The following DENND1B variants were observed in gnomAD, a reference collection of about 807,000 sequenced individuals.
DENND1B encodes DENN domain containing 1B.
A neutral mutation model predicts 90.1 loss-of-function variants in DENND1B; 59 were observed. The observed-to-expected ratio is 0.65, with a 90% CI of 0.53 to 0.81. The LOEUF (loss-of-function observed/expected upper bound fraction) is 0.81, where lower values mean the gene tolerates loss of function less well. DENND1B is among the 40% of genes least tolerant of loss of function. The pLI is 0.00. For synonymous variants in DENND1B, 337 were observed against 324.6 expected, an observed-to-expected ratio of 1.04 and a Z score of -0.41; for missense variants, 862 against 912.6, an observed-to-expected ratio of 0.94 and a Z score of 0.71.
intron 3 of DENND1B, among the ~76,000 whole-genome samples, chr1:197,697,095 A>G (rs1301824571): frequency 1.3e-5 from 2 of 151,048 alleles, no homozygotes; most frequent in African/African-American, 2.4e-5. Flanking sequence ...AAAAAAAAAA[A>G]AAAAAGGAAA....
intron 14 of DENND1B, among the ~76,000 whole-genome samples, chr1:197,583,490 A>G (rs1042697690): frequency 3.3e-5 from 5 of 152,266 alleles, no homozygotes; most frequent in Admixed American, 3.3e-4. Context: ...TACTCCCTCA[A>G]GTAAAAGTAA....
At chr1:197,734,439 G>A (rs1662444326) in intron 2 of DENND1B, 1 of 984,638 alleles carries the variant, frequency 1.0e-6, no homozygotes, top group Non-Finnish European at 1.2e-6. Context: ...TAAACCAATA[G>A]CAACAACAAA....
intron 2 of DENND1B, 23 bp downstream of exon 2, chr1:197,772,845 A>G (rs562339220): frequency 3.6e-4 from 552 of 1,539,176 alleles, no homozygotes; most frequent in Non-Finnish European, 4.6e-4. Flanking sequence ...CTTGTCAAAT[A>G]ACAGAACACA....
At chr1:197,562,468 AGG>A (rs1320328940) in intron 15 of DENND1B, among the ~76,000 whole-genome samples, 20 of 152,022 alleles carry the variant, frequency 1.3e-4, no homozygotes, top group Middle Eastern at 3.4e-3. Context: ...TTAGAATTAC[AGG>A]ATTATATTAT....
At chr1:197,723,584 C>T (rs770858992) in intron 2 of DENND1B, among the ~76,000 whole-genome samples, 10 of 152,060 alleles carry the variant, frequency 6.6e-5, no homozygotes, top group Non-Finnish European at 1.3e-4. Flanking sequence ...CCAACACAAA[C>T]GTTTTTATAA....
At chr1:197,631,010 T>C (rs1185528006) in intron 10 of DENND1B, among the ~76,000 whole-genome samples, 5 of 152,118 alleles carry the variant, frequency 3.3e-5, no homozygotes, top group Admixed American at 6.6e-5. Context: ...TCTCCTCACC[T>C]ACATGACATT....
chr1:197,579,490 CTG>C lies in DENND1B; in HGVS notation c.1149+3660_1149+3661del, dbSNP rs369303026. On this transcript the variant is annotated intron_variant, in intron 15 of 22. Coordinates refer to ENST00000620048, the MANE Select transcript of DENND1B (RefSeq NM_001195215.2). ...ATAGCTTTGGATGTATGAATATACA[CTG>C]TGTGTGGGCATAGATTCTTTCTTCT... is the stretch of plus-strand genomic sequence containing the variant. Among the ~76,000 whole-genome samples, 892 of 152,140 alleles carry C rather than the reference CTG, an allele frequency of 5.9e-3. 13 individuals are homozygous for C. The highest frequency in any genetic ancestry group is 0.02 in the African/African-American group (834 of 41,492).
chr1:197,752,186 T>C (rs377717101), intron 2 of DENND1B, among the ~76,000 whole-genome samples: 1 of 152,076 alleles, frequency 6.6e-6, no homozygotes, highest in South Asian at 2.1e-4. Flanking sequence ...GAATTATTAA[T>C]ATTGGAAGAA....
intron 2 of DENND1B, among the ~76,000 whole-genome samples, chr1:197,768,611 A>T (rs1421487360): frequency 1.3e-5 from 2 of 152,168 alleles, no homozygotes; most frequent in Non-Finnish European, 2.9e-5. Context: ...TAAGATCTAA[A>T]TTTTGGCACT....
At chr1:197,529,129 GTTTTTACATA>G (rs1669368847) in intron 20 of DENND1B, among the ~76,000 whole-genome samples, 2 of 148,022 alleles carry the variant, frequency 1.4e-5, no homozygotes, top group Admixed American at 1.4e-4. Context: ...TTCTCATGCT[GTTTTTACATA>G]ATTAACTGGA....
intron 10 of DENND1B, among the ~76,000 whole-genome samples, chr1:197,633,797 A>G (rs948826997): frequency 2.0e-5 from 3 of 152,126 alleles, no homozygotes; most frequent in African/African-American, 7.2e-5. Flanking sequence ...TACAATTTCC[A>G]ACAGTACCAA....
intron 3 of DENND1B, among the ~76,000 whole-genome samples, chr1:197,704,399 T>A (rs942632977): frequency 5.3e-5 from 8 of 152,130 alleles, no homozygotes; most frequent in African/African-American, 1.2e-4. Context: ...CCAAACTAAT[T>A]TCCTCGCCTC....
chr1:197,681,955 TTTTTTG>T lies in DENND1B; in HGVS notation c.127-7792_127-7787del, dbSNP rs554186105. On this transcript the variant is annotated intron_variant, in intron 3 of 22. Transcript: ENST00000620048. ...GCAATAAATTATAATTAACCTTGGT[TTTTTTG>T]TTTTTGTTTTTGTTTTTGTTTTTCT... 2.3e-3 allele frequency among the ~76,000 whole-genome samples: 345 copies of T among 152,156 alleles called. 1 individual carries two copies. Among genetic ancestry groups the T allele is most frequent in the African/African-American group, 7.7e-3 (320 of 41,532 alleles).
chr1:197,645,234 C>T (rs572520388), intron 9 of DENND1B, among the ~76,000 whole-genome samples: 7 of 152,032 alleles, frequency 4.6e-5, no homozygotes, highest in South Asian at 4.2e-4. Flanking sequence ...AGTTCATCTA[C>T]GATTTGAAGC....
In DENND1B at chr1:197,509,733, T is replaced by C. The variant is rs1186059370; in HGVS notation, c.*727A>G. On this transcript the variant is annotated 3_prime_UTR_variant, in exon 23 of 23. Transcript: ENST00000620048. The stretch of plus-strand genomic sequence containing the variant: ...GAGAGACTGAAAACTCGTTAGAGTG[T>C]CTCATTTGTAAACAGAAGTCATTAA... The C allele has an allele frequency of 6.6e-6, 1 of 151,976 alleles. No homozygotes were observed. Among genetic ancestry groups the C allele is most frequent in the African/African-American group, 2.4e-5 (1 of 41,296 alleles). The allele number at this position is 151,976 out of a possible 1,614,324, so 9.4% of individuals were successfully genotyped here.
intron 5 of DENND1B, among the ~76,000 whole-genome samples, chr1:197,658,955 A>AT (rs1354530738): frequency 6.6e-6 from 1 of 150,888 alleles, no homozygotes; most frequent in African/African-American, 2.4e-5. Flanking sequence ...TAAAACTATA[A>AT]TTTTTATGAT....
At chr1:197,725,613 A>G (rs1661555128) in intron 2 of DENND1B, among the ~76,000 whole-genome samples, 1 of 151,914 alleles carries the variant, frequency 6.6e-6, no homozygotes. Flanking sequence ...ACACTATACA[A>G]CTCTGAAAAA....
intron 2 of DENND1B, among the ~76,000 whole-genome samples, chr1:197,762,537 ATACT>A (rs1195772459): frequency 3.9e-5 from 6 of 152,228 alleles, no homozygotes; most frequent in Admixed American, 1.3e-4. Context: ...ATCATCTCAC[ATACT>A]TACCTCTTTG....
chr1:197,557,090 T>C (rs780673740), intron 15 of DENND1B, among the ~76,000 whole-genome samples: 7 of 152,010 alleles, frequency 4.6e-5, no homozygotes, highest in Non-Finnish European at 7.4e-5. Context: ...TAGGAACTTA[T>C]AATGTTGGCA....
Sources: allele counts gnomAD v4.1 joint callset (sites outside exome capture counted in the v4.1 genomes callset), GRCh38; gene constraint gnomAD v4.1.1; transcripts MANE v1.5; gene names NCBI Gene and HGNC (gene_info 2026-07-23, HGNC 2026-07-21).